The following CSMD1 variants were observed in gnomAD, a reference collection of about 807,000 sequenced individuals.
CSMD1 encodes CUB and sushi domain-containing protein 1.
In CSMD1, 213 loss-of-function variants were observed where a neutral mutation model predicts 417.5. The ratio of observed to expected loss-of-function variants is 0.51; its 90% CI spans 0.46 to 0.57. The LOEUF (loss-of-function observed/expected upper bound fraction) is 0.57, where lower values mean the gene tolerates loss of function less well. CSMD1 is among the 20% of genes least tolerant of loss of function. CSMD1 has a pLI of 0.00. For missense variants in CSMD1, 6,923 were observed against 4,529.7 expected, an observed-to-expected ratio of 1.53 and a Z score of -15.17; for synonymous variants, 2,862 against 1,736.8, an observed-to-expected ratio of 1.65 and a Z score of -16.11.
intron 3 of CSMD1, among the ~76,000 whole-genome samples, chr8:4,044,696 G>GGACA (rs1441027792): frequency 9.3e-5 from 4 of 43,138 alleles, no homozygotes; most frequent in Non-Finnish European, 2.7e-4. Context: ...AATCCTGGCT[G>GGACA]CGTACAACCC....
intron 7 of CSMD1, among the ~76,000 whole-genome samples, chr8:3,652,601 C>T (rs2117392611): frequency 6.6e-6 from 1 of 152,260 alleles, no homozygotes; most frequent in South Asian, 2.1e-4. Flanking sequence ...CGGTGACAGG[C>T]AAAAGAGCTC....
chr8:4,266,564 A>T (rs559354345), intron 3 of CSMD1, among the ~76,000 whole-genome samples: 2 of 105,280 alleles, frequency 1.9e-5, no homozygotes, highest in East Asian at 5.1e-4. Context: ...TCAGAAAAAC[A>T]ATTTTAAACA....
intron 3 of CSMD1, among the ~76,000 whole-genome samples, chr8:4,334,636 T>C (rs76689347): frequency 1.3e-5 from 2 of 152,286 alleles, no homozygotes; most frequent in East Asian, 1.9e-4. Flanking sequence ...GACTAATACA[T>C]AGCTTTATAC....
At chr8:3,176,425 G>T (rs1015636748) in intron 37 of CSMD1, among the ~76,000 whole-genome samples, 2 of 151,972 alleles carry the variant, frequency 1.3e-5, no homozygotes, top group Admixed American at 6.6e-5. Flanking sequence ...TAAAAAGTGT[G>T]CATTCAAAAA....
At chr8:4,959,616 C>G (rs1483504554) in intron 1 of CSMD1, among the ~76,000 whole-genome samples, 1 of 152,234 alleles carries the variant, frequency 6.6e-6, no homozygotes, top group Non-Finnish European at 1.5e-5. Context: ...GGCTTCCTGG[C>G]TTCCAGCCTT....
intron 5 of CSMD1, among the ~76,000 whole-genome samples, chr8:3,901,108 T>C (rs1169420551): frequency 6.6e-6 from 1 of 152,226 alleles, no homozygotes; most frequent in Admixed American, 6.5e-5. Flanking sequence ...TTAATGTGTG[T>C]ATACTTTTGG....
chr8:3,349,135 G>A (rs1186665558), intron 21 of CSMD1, among the ~76,000 whole-genome samples: 1 of 152,188 alleles, frequency 6.6e-6, no homozygotes, highest in Non-Finnish European at 1.5e-5. Flanking sequence ...TGTCAGGTTG[G>A]AAACCAAGCA....
chr8:3,982,426 G>C (rs1328613343), intron 5 of CSMD1, among the ~76,000 whole-genome samples: 1 of 151,894 alleles, frequency 6.6e-6, no homozygotes, highest in East Asian at 1.9e-4. Context: ...AGCACAATAA[G>C]ACATGGAATT....
intron 5 of CSMD1, among the ~76,000 whole-genome samples, chr8:3,863,117 G>T (rs542526884): frequency 2.0e-5 from 3 of 152,142 alleles, no homozygotes; most frequent in African/African-American, 7.2e-5. Flanking sequence ...AGGTGCGAAG[G>T]TCGGGCGCGG....
At chr8:4,156,032 C>T (rs916695284) in intron 3 of CSMD1, among the ~76,000 whole-genome samples, 3 of 152,216 alleles carry the variant, frequency 2.0e-5, no homozygotes, top group Non-Finnish European at 4.4e-5. Context: ...GGCCTGGTTC[C>T]TCAGATGAGC....
At chr8:4,708,988 C>G (rs1312971117) in intron 1 of CSMD1, among the ~76,000 whole-genome samples, 5 of 152,124 alleles carry the variant, frequency 3.3e-5, no homozygotes, top group African/African-American at 1.2e-4. Context: ...CGATCTTGGG[C>G]TTCCAACCTC....
chr8:4,972,534 T>C (rs1810304318), intron 1 of CSMD1, among the ~76,000 whole-genome samples: 2 of 152,196 alleles, frequency 1.3e-5, no homozygotes, highest in Admixed American at 1.3e-4. Context: ...GTAAGTTTCC[T>C]GAAGCCTCCC....
intron 6 of CSMD1, among the ~76,000 whole-genome samples, chr8:3,726,692 A>T (rs1011315983): frequency 6.6e-6 from 1 of 152,160 alleles, no homozygotes; most frequent in African/African-American, 2.4e-5. Context: ...TGTGAGTGGT[A>T]CGAGGTGTAT....
intron 6 of CSMD1, among the ~76,000 whole-genome samples, chr8:3,718,297 T>TG (rs869126746): frequency 3.4e-5 from 1 of 29,498 alleles, no homozygotes; most frequent in Non-Finnish European, 6.8e-5. Context: ...CATTCCTGCA[T>TG]TTTTTTTATT....
intron 3 of CSMD1, among the ~76,000 whole-genome samples, chr8:4,054,386 G>A (rs1463431419): frequency 1.3e-5 from 2 of 152,080 alleles, no homozygotes; most frequent in South Asian, 2.1e-4. Flanking sequence ...GGGGATGGCC[G>A]CCCGAGCCAT....
At chr8:4,621,727 A>G (rs1475711337) in intron 2 of CSMD1, among the ~76,000 whole-genome samples, 1 of 152,098 alleles carries the variant, frequency 6.6e-6, no homozygotes, top group Non-Finnish European at 1.5e-5. Flanking sequence ...GCTACAAAAA[A>G]GGGAATTACA....
chr8:4,253,491 C>T (rs937812665), intron 3 of CSMD1, among the ~76,000 whole-genome samples: 1 of 151,986 alleles, frequency 6.6e-6, no homozygotes, highest in Non-Finnish European at 1.5e-5. Flanking sequence ...TACTATGCAC[C>T]AGACACTAGG....
intron 5 of CSMD1, among the ~76,000 whole-genome samples, chr8:3,763,630 A>C (rs1218719407): frequency 6.6e-6 from 1 of 152,074 alleles, no homozygotes; most frequent in African/African-American, 2.4e-5. Context: ...AAAATAAATT[A>C]CCCAGTCTCA....
intron 33 of CSMD1, among the ~76,000 whole-genome samples, chr8:3,193,593 T>G (rs17079571): frequency 0.13 from 19,260 of 152,052 alleles, 1,535 homozygotes; most frequent in Admixed American, 0.2. Context: ...TCGTCATCAT[T>G]CTCTATCCTT....
Sources: gnomAD v4.1 joint callset for allele counts (sites outside exome capture counted in the v4.1 genomes callset) on GRCh38, gnomAD v4.1.1 for gene constraint, MANE v1.5 for transcripts, NCBI Gene and HGNC (gene_info 2026-07-23, HGNC 2026-07-21) for gene names.